SPOCK3: variants seen among roughly 807,000 people sequenced by gnomAD.
SPOCK3 encodes SPARC (osteonectin), cwcv and kazal like domains proteoglycan 3.
SPOCK3 carries 30 observed loss-of-function variants against 56.6 expected under a neutral mutation model. The observed-to-expected ratio is 0.53, with a 90% CI of 0.40 to 0.72. The LOEUF is 0.72. SPOCK3 is among the 30% of genes least tolerant of loss of function. SPOCK3 has a pLI of 0.00. For synonymous variants in SPOCK3, 196 were observed against 183.3 expected (o/e 1.07, Z -0.56); for missense variants, 527 against 530.0 (o/e 0.99, Z 0.06).
chr4:167,010,519 CAAA>C (rs11408189), intron 3 of SPOCK3, among the ~76,000 whole-genome samples: 3 of 109,830 alleles, frequency 2.7e-5, no homozygotes, highest in Non-Finnish European at 3.6e-5. Flanking sequence ...GACTCTGTCT[CAAA>C]AAAAAAAAAA....
chr4:167,154,352 G>A (rs927902253), intron 2 of SPOCK3, among the ~76,000 whole-genome samples: 29 of 152,150 alleles, frequency 1.9e-4, no homozygotes, highest in African/African-American at 6.5e-4. Context: ...TTGGGACCAG[G>A]ATTACGGTCC....
chr4:166,919,046 T>C (rs981162198), intron 4 of SPOCK3, among the ~76,000 whole-genome samples: 3 of 152,202 alleles, frequency 2.0e-5, no homozygotes, highest in African/African-American at 7.2e-5. Flanking sequence ...GCTGGCACCT[T>C]GATTCTTGTA....
intron 3 of SPOCK3, among the ~76,000 whole-genome samples, chr4:167,040,260 T>G (rs1000485764): frequency 2.0e-5 from 3 of 152,138 alleles, no homozygotes; most frequent in Non-Finnish European, 4.4e-5. Flanking sequence ...AAAAGTAGCG[T>G]GTGATTATTT....
chr4:167,115,573 A>T (rs1761262310), intron 2 of SPOCK3, among the ~76,000 whole-genome samples: 1 of 152,104 alleles, frequency 6.6e-6, no homozygotes, highest in African/African-American at 2.4e-5. Flanking sequence ...CTATAGATTC[A>T]AGAAATATGA....
At chr4:167,161,710 A>G (rs1765326726) in intron 2 of SPOCK3, among the ~76,000 whole-genome samples, 1 of 152,148 alleles carries the variant, frequency 6.6e-6, no homozygotes, top group South Asian at 2.1e-4. Context: ...CTATGCAGCC[A>G]CAAAAAATGA....
chr4:166,822,806 T>C (rs72697523), intron 6 of SPOCK3, among the ~76,000 whole-genome samples: 412 of 152,170 alleles, frequency 2.7e-3, no homozygotes, highest in Non-Finnish European at 4.8e-3. Context: ...AAAGTTAATA[T>C]GAAAGTACAG....
intron 2 of SPOCK3, among the ~76,000 whole-genome samples, chr4:167,202,652 T>A (rs759254982): frequency 6.6e-6 from 1 of 151,572 alleles, no homozygotes; most frequent in Non-Finnish European, 1.5e-5. Flanking sequence ...CAATCTCAAC[T>A]GTGAAGGGTA....
intron 2 of SPOCK3, among the ~76,000 whole-genome samples, chr4:167,092,904 T>G (rs1758827388): frequency 6.6e-6 from 1 of 152,224 alleles, no homozygotes. Context: ...CTTCCTATAA[T>G]GTCAAATAAA....
intron 2 of SPOCK3, among the ~76,000 whole-genome samples, chr4:167,219,675 T>G (rs1409866497): frequency 1.3e-5 from 2 of 152,134 alleles, no homozygotes; most frequent in African/African-American, 4.8e-5. Context: ...AGATTTATTT[T>G]AATTTTCGTT....
chr4:166,915,333 A>T (rs868013582), intron 4 of SPOCK3, among the ~76,000 whole-genome samples: 3 of 152,128 alleles, frequency 2.0e-5, no homozygotes, highest in South Asian at 2.1e-4. Context: ...ATTAAAAAAA[A>T]ATGTTTCTTA....
At chr4:167,076,949 A>G (rs982443981) in intron 2 of SPOCK3, among the ~76,000 whole-genome samples, 5 of 151,916 alleles carry the variant, frequency 3.3e-5, no homozygotes, top group African/African-American at 9.7e-5. Flanking sequence ...AATTCAGTCA[A>G]GTCTGCACAT....
At chr4:166,890,849 G>A (rs962905690) in intron 5 of SPOCK3, among the ~76,000 whole-genome samples, 2 of 151,950 alleles carry the variant, frequency 1.3e-5, no homozygotes, top group Non-Finnish European at 2.9e-5. Flanking sequence ...GATTGACAAT[G>A]AGGTGTTAAA....
intron 5 of SPOCK3, among the ~76,000 whole-genome samples, chr4:166,899,317 T>C (rs1028904146): frequency 6.8e-6 from 1 of 147,854 alleles, no homozygotes; most frequent in Admixed American, 6.9e-5. Context: ...CTATGGGTTG[T>C]AATTCTCTGG....
chr4:166,876,018 G>A (rs1173429265), intron 6 of SPOCK3, among the ~76,000 whole-genome samples: 5 of 152,154 alleles, frequency 3.3e-5, no homozygotes, highest in Admixed American at 2.0e-4. Context: ...CAGATCTGTG[G>A]CACAGCTGAG....
intron 3 of SPOCK3, among the ~76,000 whole-genome samples, chr4:167,049,246 C>T (rs1046210413): frequency 6.6e-6 from 1 of 151,654 alleles, no homozygotes; most frequent in African/African-American, 2.4e-5. Flanking sequence ...TATTTCCCTA[C>T]TTACTAACAA....
intron 6 of SPOCK3, among the ~76,000 whole-genome samples, chr4:166,842,244 G>C (rs1747504164): frequency 6.6e-6 from 1 of 152,216 alleles, no homozygotes; most frequent in Non-Finnish European, 1.5e-5. Context: ...TCAGCACGTT[G>C]CTTTTGCTGG....
intron 2 of SPOCK3, among the ~76,000 whole-genome samples, chr4:167,072,449 A>G (rs1756772822): frequency 6.6e-6 from 1 of 151,934 alleles, no homozygotes; most frequent in South Asian, 2.1e-4. Flanking sequence ...CTTTTACTAC[A>G]CTATCTTATA....
At chr4:166,822,317 T>C (rs1745017430) in intron 6 of SPOCK3, among the ~76,000 whole-genome samples, 1 of 152,046 alleles carries the variant, frequency 6.6e-6, no homozygotes, top group African/African-American at 2.4e-5. Context: ...TAATTTTCTC[T>C]CTGAAAATGT....
chr4:167,065,090 C>T (rs978084307), intron 2 of SPOCK3, among the ~76,000 whole-genome samples: 2 of 128,656 alleles, frequency 1.6e-5, no homozygotes, highest in African/African-American at 3.1e-5. Flanking sequence ...TAAATACCTA[C>T]ATTTATTGCT....
Sources: gnomAD v4.1 joint callset for allele counts (sites outside exome capture counted in the v4.1 genomes callset) on GRCh38, gnomAD v4.1.1 for gene constraint, MANE v1.5 for transcripts, NCBI Gene and HGNC (gene_info 2026-07-23, HGNC 2026-07-21) for gene names.